Variants in COG5 observed in about 807,000 individuals in gnomAD.
COG5 encodes the protein conserved oligomeric Golgi complex subunit 5.
In COG5, 86 loss-of-function variants were observed where a neutral mutation model predicts 110.4. The observed-to-expected ratio is 0.78, with a 90% CI of 0.65 to 0.93. COG5 has a LOEUF of 0.93. Ranked by LOEUF, COG5 falls within the 40% of genes least tolerant of loss-of-function variation. COG5 has a pLI of 0.00. For missense variants in COG5, 1,077 were observed against 987.0 expected (o/e 1.09, Z -1.22); for synonymous variants, 360 against 334.6 (o/e 1.08, Z -0.83).
At chr7:107,454,448 G>A (rs184919631) in intron 6 of COG5, among the ~76,000 whole-genome samples, 33 of 152,216 alleles carry the variant, frequency 2.2e-4, no homozygotes, top group African/African-American at 6.0e-4. Flanking sequence ...GTAAGAACAT[G>A]TAGTTTTTTA....
At chr7:107,321,434 T>C (rs1425303096) in intron 11 of COG5, among the ~76,000 whole-genome samples, 20 of 152,106 alleles carry the variant, frequency 1.3e-4, no homozygotes. Flanking sequence ...CAGGAGTCAA[T>C]TATTGGAGGA....
chr7:107,531,643 G>C (rs1324535019), intron 5 of COG5, among the ~76,000 whole-genome samples: 1 of 149,440 alleles, frequency 6.7e-6, no homozygotes, highest in Non-Finnish European at 1.5e-5. Flanking sequence ...GTGAGGGCGG[G>C]GGGGAGGTGG....
chr7:107,402,595 T>C (rs745817881), intron 7 of COG5, among the ~76,000 whole-genome samples: 2 of 152,252 alleles, frequency 1.3e-5, no homozygotes, highest in Admixed American at 6.5e-5. Context: ...ATGGAGTCTG[T>C]TGTAATCCTG....
At chr7:107,563,227 G>T (rs1804057914) in intron 1 of COG5, among the ~76,000 whole-genome samples, 1 of 151,922 alleles carries the variant, frequency 6.6e-6, no homozygotes, top group Non-Finnish European at 1.5e-5. Context: ...TGTACAAATG[G>T]TTAATCCCAA....
chr7:107,315,993 C>T (rs769579964), intron 11 of COG5, among the ~76,000 whole-genome samples: 15 of 152,052 alleles, frequency 9.9e-5, no homozygotes, highest in Admixed American at 2.0e-4. Context: ...TGAAAACATA[C>T]GCTGGCAATT....
chr7:107,496,333 C>T (rs1328286367), intron 6 of COG5, among the ~76,000 whole-genome samples: 1 of 152,104 alleles, frequency 6.6e-6, no homozygotes, highest in African/African-American at 2.4e-5. Context: ...TAGGATCTAT[C>T]TCTGGAATAC....
At chr7:107,368,074 A>G (rs945279389) in intron 8 of COG5, among the ~76,000 whole-genome samples, 1 of 152,178 alleles carries the variant, frequency 6.6e-6, no homozygotes, top group Non-Finnish European at 1.5e-5. Context: ...GCGGGAAGGG[A>G]AAAGTATAAG....
At chr7:107,438,140 A>G (rs1794476272) in intron 6 of COG5, among the ~76,000 whole-genome samples, 1 of 152,178 alleles carries the variant, frequency 6.6e-6, no homozygotes, top group South Asian at 2.1e-4. Context: ...CTTAGTTTCT[A>G]TCATCCCAAA....
At chr7:107,471,743 A>C (rs757029961) in intron 6 of COG5, 1 of 152,046 alleles carries the variant, frequency 6.6e-6, no homozygotes, top group Non-Finnish European at 1.5e-5. Context: ...AGCACACAAA[A>C]GGAAGATTTA....
chr7:107,210,644 A>C, intron 20 of COG5, 39 bp from the exon 21 acceptor site: 1 of 1,560,748 alleles, frequency 6.4e-7, no homozygotes, highest in Non-Finnish European at 8.7e-7. Flanking sequence ...GTGCATACGC[A>C]TTCTTTAGTA....
intron 10 of COG5, among the ~76,000 whole-genome samples, chr7:107,330,163 G>A (rs1056325825): frequency 3.9e-5 from 6 of 152,162 alleles, no homozygotes; most frequent in African/African-American, 7.2e-5. Context: ...ATGGAATCAC[G>A]TTATCAGATC....
intron 10 of COG5, among the ~76,000 whole-genome samples, chr7:107,343,568 C>A (rs1041309752): frequency 1.3e-5 from 2 of 152,040 alleles, no homozygotes; most frequent in South Asian, 2.1e-4. Flanking sequence ...GCAGTCCCAG[C>A]TACTTGGGAA....
chr7:107,278,965 C>A (rs958893055), intron 14 of COG5, among the ~76,000 whole-genome samples: 2 of 152,184 alleles, frequency 1.3e-5, no homozygotes, highest in Admixed American at 1.3e-4. Flanking sequence ...AGAGCTTCTG[C>A]ATAGCCAAAG....
chr7:107,419,415 A>C (rs1300848557), intron 6 of COG5, among the ~76,000 whole-genome samples: 1 of 152,078 alleles, frequency 6.6e-6, no homozygotes, highest in Non-Finnish European at 1.5e-5. Context: ...ACCTTTAAAG[A>C]ATGAATGAAT....
intron 14 of COG5, among the ~76,000 whole-genome samples, chr7:107,280,707 T>C (rs1243093292): frequency 6.6e-6 from 1 of 152,048 alleles, no homozygotes; most frequent in Non-Finnish European, 1.5e-5. Context: ...CATTAATGTA[T>C]AGAATTAAGA....
intron 14 of COG5, 78 bp from the exon 15 acceptor site, chr7:107,258,461 C>CAT (rs1803060710): frequency 2.5e-6 from 2 of 815,078 alleles, no homozygotes; most frequent in Admixed American, 1.7e-5. Flanking sequence ...CACACACACA[C>CAT]ATACACACAC....
intron 14 of COG5, among the ~76,000 whole-genome samples, chr7:107,263,642 T>C (rs940982330): frequency 6.6e-6 from 1 of 152,160 alleles, no homozygotes; most frequent in African/African-American, 2.4e-5. Context: ...TAAATAAAAA[T>C]TAAAATAATT....
intron 1 of COG5, among the ~76,000 whole-genome samples, chr7:107,562,104 G>T (rs944904205): frequency 1.3e-5 from 2 of 152,236 alleles, no homozygotes; most frequent in Middle Eastern, 3.2e-3. Context: ...TGATGGGCAA[G>T]AAATGGAGAA....
chr7:107,426,403 CT>C (rs1793645466), intron 6 of COG5, among the ~76,000 whole-genome samples: 1 of 152,132 alleles, frequency 6.6e-6, no homozygotes, highest in Admixed American at 6.5e-5. Flanking sequence ...TTAGTTCAGG[CT>C]GCTATAACAA....
Sources: gnomAD v4.1 joint callset for allele counts (sites outside exome capture counted in the v4.1 genomes callset) on GRCh38, gnomAD v4.1.1 for gene constraint, MANE v1.5 for transcripts, NCBI Gene and HGNC (gene_info 2026-07-23, HGNC 2026-07-21) for gene names.